Variants in AFF1 observed in about 807,000 individuals in gnomAD.
AFF1 encodes the protein AF4/FMR2 family member 1.
Under a neutral mutation model 121.7 loss-of-function variants are expected in AFF1, and 48 were observed. That is an observed-to-expected ratio of 0.39 (90% CI 0.31 to 0.50). The LOEUF (loss-of-function observed/expected upper bound fraction) is 0.50, where lower values mean the gene tolerates loss of function less well. Among genes scored for constraint, AFF1 ranks in the 20% least tolerant of loss-of-function variants. The pLI, the probability that AFF1 is intolerant of heterozygous loss-of-function variation, is 0.76. For missense variants in AFF1, 1,523 were observed against 1,511.7 expected, an observed-to-expected ratio of 1.01 and a Z score of -0.12; for synonymous variants, 613 against 563.0, an observed-to-expected ratio of 1.09 and a Z score of -1.26.
At position 87,137,398 on chromosome 4, in the gene AFF1, G is replaced by A. The variant is rs754086006; in HGVS notation, c.*1697G>A. The A allele has an allele frequency of 2.6e-5, 6 of 230,052 alleles. No individual in the cohort carries two copies. Among genetic ancestry groups the A allele is most frequent in the South Asian group, 1.8e-4 (1 of 5,486 alleles). 14.3% of individuals were successfully genotyped at this position (230,052 alleles called of 1,614,324 possible). A position where few individuals can be genotyped will look rare whatever the true frequency, so the allele number is the denominator to read the frequency against. The stretch of plus-strand genomic sequence containing the variant: ...TTGTAAATACACAAAGGGATGTGTC[G>A]AGGGATGGGAGCGATGCTTATCTCT... On this transcript the variant is annotated 3_prime_UTR_variant, in exon 21 of 21. Transcript: ENST00000395146.
chr4:87,018,453 A>C (rs144345415), intron 2 of AFF1, among the ~76,000 whole-genome samples: 7 of 152,378 alleles, frequency 4.6e-5, no homozygotes, highest in Admixed American at 1.3e-4. Flanking sequence ...AGAGCAAGCC[A>C]TGACACAGAG....
chr4:87,087,366 G>T (rs1419114844), intron 5 of AFF1, among the ~76,000 whole-genome samples: 3 of 152,220 alleles, frequency 2.0e-5, no homozygotes, highest in Non-Finnish European at 4.4e-5. Flanking sequence ...TAAACAGAAG[G>T]CTAGGCAGAG....
chr4:87,098,793 TGA>T (rs897553457), intron 8 of AFF1, among the ~76,000 whole-genome samples: 41 of 152,204 alleles, frequency 2.7e-4, no homozygotes, highest in Admixed American at 2.7e-3. Context: ...TCTTTTGAAG[TGA>T]GGGAGATATC....
chr4:87,023,114 G>T (rs981912245), intron 2 of AFF1, among the ~76,000 whole-genome samples: 5 of 151,918 alleles, frequency 3.3e-5, no homozygotes, highest in East Asian at 1.9e-4. Context: ...TTTCTTTGTT[G>T]TTCAGGCTGG....
At chr4:87,035,075 G>A (rs1037254323) in intron 2 of AFF1, among the ~76,000 whole-genome samples, 2 of 152,142 alleles carry the variant, frequency 1.3e-5, no homozygotes, top group South Asian at 4.1e-4. Context: ...GACAGCCTAG[G>A]TATCCCAGAA....
chr4:86,978,439 C>G (rs1301910849), intron 2 of AFF1, among the ~76,000 whole-genome samples: 1 of 152,006 alleles, frequency 6.6e-6, no homozygotes, highest in African/African-American at 2.4e-5. Flanking sequence ...ACCTCGGCCT[C>G]CCAAAGTGCT....
intron 2 of AFF1, among the ~76,000 whole-genome samples, chr4:86,987,781 C>T (rs1173059615): frequency 6.6e-6 from 1 of 152,016 alleles, no homozygotes. Context: ...AGTGAAACCC[C>T]ATCTCTACTA....
At chr4:87,036,905 C>G (rs558766823) in intron 2 of AFF1, 1 of 409,216 alleles carries the variant, frequency 2.4e-6, no homozygotes, top group Non-Finnish European at 4.8e-6. Context: ...GACCTGGGCT[C>G]GCTGTAACCT....
At position 87,114,794 on chromosome 4, in the gene AFF1, C is replaced by A. The variant is rs61734706; in HGVS notation, c.1961C>A (p.Thr654Lys). ...QTSKDKPKVK[T>K]KGRPRAAASN... Reference sequence around the variant, plus strand: ...TCCAAAGACAAGCCCAAGGTGAAGACGAAAGGACGGCCCCGGGCCGCAGCA... The same window carrying A: ...TCCAAAGACAAGCCCAAGGTGAAGAAGAAAGGACGGCCCCGGGCCGCAGCA... Residue 654 changes from threonine to lysine, a missense_variant, in exon 12 of 21, where the codon ACG (threonine) becomes AAG (lysine). Transcript: ENST00000395146. 6.2e-7 allele frequency: 1 copy of A among 1,612,888 alleles called. No individual in the cohort carries two copies. The highest frequency in any genetic ancestry group is 8.5e-7 in the Non-Finnish European group (1 of 1,179,574).
intron 1 of AFF1, among the ~76,000 whole-genome samples, chr4:86,944,856 A>ATATGTGTATATACTCACATG (rs1370247656): frequency 6.6e-6 from 1 of 152,224 alleles, no homozygotes; most frequent in Non-Finnish European, 1.5e-5. Context: ...AAACTTACAT[A>ATATGTGTATATACTCACATG]TATGTGTATA....
At chr4:87,039,491 C>T (rs189924459) in intron 2 of AFF1, among the ~76,000 whole-genome samples, 344 of 152,316 alleles carry the variant, frequency 2.3e-3, no homozygotes, top group African/African-American at 7.8e-3. Context: ...TTAGTGGATT[C>T]GGTCAGTGAA....
chr4:87,114,713 G>T lies in AFF1; in HGVS notation c.1880G>T (p.Ser627Ile), dbSNP rs972189811. 3.1e-6 allele frequency: 5 copies of T among 1,613,850 alleles called. No homozygotes were observed. Among genetic ancestry groups the T allele is most frequent in the African/African-American group, 1.3e-5 (1 of 74,878 alleles). Residue 627 changes from serine to isoleucine, a missense_variant, in exon 12 of 21, where the codon AGC (serine) becomes ATC (isoleucine). Around this residue, in one of 5 missense-constraint regions of AFF1, gnomAD observed 905 missense variants for 842.5 expected, o/e 1.07. Transcript: ENST00000395146. Reference sequence around the variant, plus strand: ...TCTGCCCGGGCAGGTTCACGGACCAGCCTGCAGGGGGAAAGGGAGCCAGGG... The same window carrying T: ...TCTGCCCGGGCAGGTTCACGGACCATCCTGCAGGGGGAAAGGGAGCCAGGG... ...KASARAGSRT[S>I]LQGEREPGLL...
intron 2 of AFF1, among the ~76,000 whole-genome samples, chr4:87,039,688 C>T (rs1187920294): frequency 6.6e-6 from 1 of 152,174 alleles, no homozygotes; most frequent in Non-Finnish European, 1.5e-5. Context: ...TCTTTTGATA[C>T]ATCAGGTTGA....
At chr4:86,999,862 G>A (rs1261579757) in intron 2 of AFF1, among the ~76,000 whole-genome samples, 3 of 152,154 alleles carry the variant, frequency 2.0e-5, no homozygotes, top group Non-Finnish European at 4.4e-5. Context: ...GGGTGGTAGC[G>A]TTTACAGAGA....
At chr4:87,100,529 G>A (rs1341203914) in intron 8 of AFF1, among the ~76,000 whole-genome samples, 1 of 152,062 alleles carries the variant, frequency 6.6e-6, no homozygotes, top group Non-Finnish European at 1.5e-5. Flanking sequence ...GTGACCTCTA[G>A]CCATCCTTTC....
intron 2 of AFF1, chr4:86,950,037 G>A (rs941927587): frequency 1.2e-6 from 2 of 1,614,106 alleles, no homozygotes; most frequent in African/African-American, 2.7e-5. Context: ...TAGGTAGGGG[G>A]AGTGTAGAGA....
At chr4:87,064,154 G>A (rs1469048392) in intron 4 of AFF1, among the ~76,000 whole-genome samples, 1 of 152,170 alleles carries the variant, frequency 6.6e-6, no homozygotes, top group Non-Finnish European at 1.5e-5. Flanking sequence ...GGCTTTTTGA[G>A]CCCCGTCACA....
intron 2 of AFF1, among the ~76,000 whole-genome samples, chr4:86,957,821 C>T (rs1258527906): frequency 6.6e-6 from 1 of 152,100 alleles, no homozygotes; most frequent in African/African-American, 2.4e-5. Context: ...GGATTACAGG[C>T]GTGAGCCACC....
chr4:87,129,022 C>G (rs1728565237), intron 16 of AFF1, among the ~76,000 whole-genome samples: 1 of 152,218 alleles, frequency 6.6e-6, no homozygotes, highest in Non-Finnish European at 1.5e-5. Context: ...GAGTAATATT[C>G]ATACTCTAGG....
Sources: allele counts gnomAD v4.1 joint callset (sites outside exome capture counted in the v4.1 genomes callset), GRCh38; gene constraint gnomAD v4.1.1; regional missense constraint gnomAD v4.1.1; transcripts MANE v1.5; gene names NCBI Gene and HGNC (gene_info 2026-07-23, HGNC 2026-07-21).